The following TEX11 variants were observed in gnomAD, a reference collection of about 807,000 sequenced individuals.
TEX11 encodes testis-expressed protein 11.
A neutral mutation model predicts 84.4 loss-of-function variants in TEX11; 7 were observed. The ratio of observed to expected loss-of-function variants is 0.08; its 90% confidence interval spans 0.05 to 0.16. The LOEUF (loss-of-function observed/expected upper bound fraction) is 0.16. TEX11 is among the 10% of genes least tolerant of loss of function. TEX11 has a pLI of 1.00. For synonymous variants in TEX11, 264 were observed against 222.8 expected (o/e 1.18, Z -1.64); for missense variants, 551 against 660.5 (o/e 0.83, Z 1.82).
intron 13 of TEX11, among the ~76,000 whole-genome samples, chrX:70,708,111 A>T (rs896914559): frequency 9.0e-6 from 1 of 111,285 alleles, no homozygotes; most frequent in African/African-American, 3.3e-5. Context: ...GCAAAAAACA[A>T]ATAGCCTCAT....
At chrX:70,817,839 G>A (rs1279269558) in intron 8 of TEX11, among the ~76,000 whole-genome samples, 1 of 111,674 alleles carries the variant, frequency 9.0e-6, no homozygotes, top group Non-Finnish European at 1.9e-5. Flanking sequence ...TACAAAATAA[G>A]CCTGTAATAT....
intron 25 of TEX11, among the ~76,000 whole-genome samples, chrX:70,565,632 T>C (rs1341403234): frequency 2.7e-5 from 3 of 110,528 alleles, no homozygotes; most frequent in African/African-American, 9.9e-5. Flanking sequence ...GGCTAGCCAG[T>C]TTTCCCAGCA....
At position 70,871,192 on chromosome X, in the gene TEX11, C is replaced by T. The variant is rs185560325; in HGVS notation, c.244+2031G>A. ...CCTCCCAAAGTGCTGGGATTATAGG[C>T]GTGAGCCACCGCTACCAGCCTGATT... is the stretch of plus-strand genomic sequence containing the variant. On this transcript the variant is annotated intron_variant, in intron 4 of 29. Transcript: ENST00000374333. Among the ~76,000 whole-genome samples the T allele has an allele frequency of 1.2e-4, 13 of 112,796 alleles. No homozygotes were observed. The East Asian group carries it at 3.6e-3, about 31-fold the overall frequency.
intron 28 of TEX11, among the ~76,000 whole-genome samples, chrX:70,542,948 G>T (rs915019074): frequency 1.2e-4 from 13 of 112,001 alleles, no homozygotes; most frequent in African/African-American, 4.2e-4. Context: ...TTGGGAGGCC[G>T]AGGTGGGCGG....
chrX:70,525,642 T>A (rs1436398301), downstream of TEX11, among the ~76,000 whole-genome samples: 1 of 109,805 alleles, frequency 9.1e-6, no homozygotes, highest in Non-Finnish European at 1.9e-5. Flanking sequence ...TATACAATGG[T>A]GAGGAAAACA....
At chrX:70,664,990 A>G (rs2089965813) in intron 16 of TEX11, among the ~76,000 whole-genome samples, 2 of 110,832 alleles carry the variant, frequency 1.8e-5, no homozygotes, top group South Asian at 7.7e-4. Context: ...TATGGTAAAG[A>G]GAAACAATAT....
At chrX:70,885,032 GAC>G (rs1483272235) in intron 2 of TEX11, among the ~76,000 whole-genome samples, 2 of 111,167 alleles carry the variant, frequency 1.8e-5, no homozygotes, top group Non-Finnish European at 3.8e-5. Flanking sequence ...GAGAATGGGA[GAC>G]AGTGGCTTGA....
At chrX:70,755,572 A>G (rs2090861350) in intron 9 of TEX11, among the ~76,000 whole-genome samples, 1 of 112,361 alleles carries the variant, frequency 8.9e-6, no homozygotes, top group East Asian at 2.8e-4. Flanking sequence ...TTGGCCTTAA[A>G]GAAGAAGCAG....
At chrX:70,720,344 G>T (rs972654610) in intron 13 of TEX11, among the ~76,000 whole-genome samples, 30 of 110,420 alleles carry the variant, frequency 2.7e-4, no homozygotes, top group African/African-American at 8.9e-4. Context: ...ACAGGAAGGG[G>T]AACATCACAC....
intron 23 of TEX11, 35 bp downstream of exon 23, chrX:70,606,924 G>A (rs760060813): frequency 2.1e-6 from 2 of 965,018 alleles, no homozygotes; most frequent in Admixed American, 2.6e-5. Flanking sequence ...CCTTGTTGTG[G>A]TCCATACATG....
chrX:70,862,766 T>A (rs372924932), intron 4 of TEX11, among the ~76,000 whole-genome samples: 13,529 of 102,824 alleles, frequency 0.13, 860 homozygotes, highest in Middle Eastern at 0.26. Context: ...AAAAAAAAAA[T>A]TAGCTGGGAG....
chrX:70,570,058 C>T (rs1383359946), intron 25 of TEX11, among the ~76,000 whole-genome samples: 1 of 112,027 alleles, frequency 8.9e-6, no homozygotes, highest in Non-Finnish European at 1.9e-5. Context: ...GTGGGCTCCA[C>T]CCAGTTCAAG....
rs567021672 is a variant in TEX11, at chrX:70,786,684, C to T, written c.692+20021G>A. On this transcript the variant is annotated intron_variant, in intron 9 of 29. Transcript: ENST00000374333. ...AATATCCTCAACAAAATACTAGCAA[C>T]TGAATTCAACAACACATTAAAAGGA... is the stretch of plus-strand genomic sequence containing the variant. 1.1e-4 allele frequency among the ~76,000 whole-genome samples: 12 copies of T among 111,635 alleles called. No individual in the cohort carries two copies. In the South Asian group the frequency reaches 4.2e-3, roughly 39 times the overall value.
intron 28 of TEX11, among the ~76,000 whole-genome samples, chrX:70,536,236 C>CT (rs1326916018): frequency 1.8e-5 from 2 of 110,610 alleles, no homozygotes; most frequent in Non-Finnish European, 3.8e-5. Flanking sequence ...AAGGTAGGCA[C>CT]TTTTTTTAGC....
At position 70,841,585 on chromosome X, in the gene TEX11, G is replaced by A. The variant is rs1216392753; in HGVS notation, c.526-7992C>T. ...AATTAAAAGAACTAGAAAAGCAAGA[G>A]CAAACACATTCAAAAGCTAGCAGAA... On this transcript the variant is annotated intron_variant, in intron 7 of 29. Coordinates refer to ENST00000374333, the MANE Select transcript of TEX11 (RefSeq NM_031276.3). Among the ~76,000 whole-genome samples, 3 of 110,134 alleles carry A rather than the reference G, an allele frequency of 2.7e-5. No homozygotes were observed. The East Asian group carries it at 8.5e-4, about 31-fold the overall frequency.
intron 13 of TEX11, among the ~76,000 whole-genome samples, chrX:70,701,104 G>A (rs781770519): frequency 7.9e-4 from 88 of 111,955 alleles, no homozygotes; most frequent in African/African-American, 2.4e-3. Flanking sequence ...AAGAAGCTGC[G>A]GCAAGTTATC....
At chrX:70,639,091 C>T (rs1274254687) in intron 17 of TEX11, among the ~76,000 whole-genome samples, 1 of 111,469 alleles carries the variant, frequency 9.0e-6, no homozygotes, top group African/African-American at 3.3e-5. Flanking sequence ...CGAGGCATTG[C>T]CTCACTCGGC....
chrX:70,522,744 T>C, the TEX11 span, among the ~76,000 whole-genome samples: 1 of 109,069 alleles, frequency 9.2e-6, no homozygotes, highest in Non-Finnish European at 1.9e-5. Context: ...GGTTTCTCCA[T>C]GTTGGTCAGG....
At chrX:70,598,819 T>C (rs2089046158) in intron 24 of TEX11, among the ~76,000 whole-genome samples, 1 of 112,224 alleles carries the variant, frequency 8.9e-6, no homozygotes, top group South Asian at 3.7e-4. Flanking sequence ...AATATGATGA[T>C]GATGACATTT....
Sources: allele counts gnomAD v4.1 joint callset (sites outside exome capture counted in the v4.1 genomes callset), GRCh38; gene constraint gnomAD v4.1.1; transcripts MANE v1.5; gene names NCBI Gene and HGNC (gene_info 2026-07-23, HGNC 2026-07-21).